The following CTBS variants were observed in gnomAD, a reference collection of about 807,000 sequenced individuals.
The protein encoded by CTBS is chitobiase.
CTBS carries 35 observed loss-of-function variants against 44.3 expected under a neutral mutation model. That is an observed-to-expected ratio of 0.79 (90% CI 0.60 to 1.05). The LOEUF (loss-of-function observed/expected upper bound fraction) is 1.05, where lower values mean the gene tolerates loss of function less well. Ranked by LOEUF, CTBS falls within the 50% of genes least tolerant of loss-of-function variation. The probability of loss-of-function intolerance (pLI) is 0.00; values close to 1 mark genes in which losing one functional copy is unlikely to be tolerated. For missense variants in CTBS, 458 were observed against 475.3 expected, an observed-to-expected ratio of 0.96 and a Z score of 0.34; for synonymous variants, 143 against 168.0, an observed-to-expected ratio of 0.85 and a Z score of 1.15.
At position 84,554,138 on chromosome 1, in the gene CTBS, A is replaced by G. The variant is rs1016253139; in HGVS notation, c.*861T>C. 1 of 152,124 alleles carries G rather than the reference A, an allele frequency of 6.6e-6. No homozygotes were observed. The highest frequency in any genetic ancestry group is 1.5e-5 in the Non-Finnish European group (1 of 68,020). 9.4% of individuals were successfully genotyped at this position (152,124 alleles called of 1,614,324 possible). On this transcript the variant is annotated 3_prime_UTR_variant, in exon 7 of 7. Transcript: ENST00000370630. ...CAAAAAATAAAAATAAAAAAGATAC[A>G]TTGCAGATGTAGAAAGAAAAATTTA...
At position 84,550,326 on chromosome 1, in the gene CTBS, G is replaced by A. The variant is rs544168480; in HGVS notation, c.*4673C>T. ...ACTTTACGGAATAGGTTATTTTCATGATTTACTCTTTTGATCTTTATCATT... is the reference window on the plus strand; with the variant it reads ...ACTTTACGGAATAGGTTATTTTCATAATTTACTCTTTTGATCTTTATCATT... On this transcript the variant is annotated 3_prime_UTR_variant, in exon 7 of 7. Coordinates refer to ENST00000370630, the MANE Select transcript of CTBS (RefSeq NM_004388.3). The A allele has an allele frequency of 2.2e-5, 11 of 505,060 alleles. No homozygotes were observed. In the Admixed American group the frequency reaches 4.8e-4, roughly 22 times the overall value. 31.3% of individuals were successfully genotyped at this position (505,060 alleles called of 1,614,324 possible). A position where few individuals can be genotyped will look rare whatever the true frequency, so the allele number is the denominator to read the frequency against.
chr1:84,574,029 T>TA, intron 1 of CTBS: 1 of 1,413,510 alleles, frequency 7.1e-7, no homozygotes, highest in East Asian at 2.6e-5. Context: ...CGCAGGCACT[T>TA]ACAGGCTGTG....
intron 2 of CTBS, 74 bp downstream of exon 2, chr1:84,570,508 G>C (rs1260700538): frequency 1.5e-6 from 2 of 1,353,282 alleles, no homozygotes; most frequent in Non-Finnish European, 2.0e-6. Context: ...GACTTTTTTG[G>C]AAAGTCGGGA....
intron 6 of CTBS, among the ~76,000 whole-genome samples, chr1:84,556,250 A>T (rs938817915): frequency 1.2e-4 from 18 of 152,208 alleles, no homozygotes; most frequent in African/African-American, 4.1e-4. Flanking sequence ...GATCTAGGAC[A>T]AAGTGCAAAG....
rs998714817 is a variant in CTBS, at chr1:84,555,676, T to C, written c.958-477A>G. On this transcript the variant is annotated intron_variant, in intron 6 of 6. Transcript: ENST00000370630. ...TCTTTCCTTGCCCTTAGCCAGTGATTATTAGCCAAGGCGTACATCTGAATC... is the reference window on the plus strand; with the variant it reads ...TCTTTCCTTGCCCTTAGCCAGTGATCATTAGCCAAGGCGTACATCTGAATC... Among the ~76,000 whole-genome samples, 7 of 152,224 alleles carry C rather than the reference T, an allele frequency of 4.6e-5. 1 individual carries two copies. In the East Asian group the frequency reaches 1.3e-3, roughly 29 times the overall value.
At position 84,574,356 on chromosome 1, in the gene CTBS, C is replaced by G. The variant is rs778760119; in HGVS notation, c.60G>C (p.Pro20=). 6.4e-7 allele frequency: 1 copy of G among 1,569,262 alleles called. No individual in the cohort carries two copies. Among genetic ancestry groups the G allele is most frequent in the Non-Finnish European group, 8.6e-7 (1 of 1,157,880 alleles). ...CCAGCAGCGCCAGCAGCGCTAGACC[C>G]GGGACGCCGCTCGGCGGGCTAGAGA... ...RLVSSPPSGV[P]GLALLALLAL... Residue 20 remains proline, a synonymous_variant, in exon 1 of 7, where the codon CCG becomes CCC. Coordinates refer to ENST00000370630, the MANE Select transcript of CTBS (RefSeq NM_004388.3).
intron 1 of CTBS, 146 bp from the exon 2 acceptor site, chr1:84,570,866 A>G: frequency 1.5e-6 from 1 of 675,506 alleles, no homozygotes; most frequent in Non-Finnish European, 2.3e-6. Flanking sequence ...TCCCAAGATA[A>G]TTGGTGGCAG....
chr1:84,569,261 A>C (rs1647222203), intron 3 of CTBS, among the ~76,000 whole-genome samples: 1 of 152,098 alleles, frequency 6.6e-6, no homozygotes, highest in Non-Finnish European at 1.5e-5. Context: ...TTGAAAAATC[A>C]TTTCTGGGAG....
At chr1:84,570,252 A>G (rs1226134691) in intron 2 of CTBS, 113 bp from the exon 3 acceptor site, 5 of 816,204 alleles carry the variant, frequency 6.1e-6, no homozygotes, top group Non-Finnish European at 7.8e-6. Context: ...CCAAAGTAAC[A>G]GAAAGCCATT....
chr1:84,561,767 C>T (rs1210440684), intron 6 of CTBS, among the ~76,000 whole-genome samples: 1 of 152,204 alleles, frequency 6.6e-6, no homozygotes, highest in Non-Finnish European at 1.5e-5. Flanking sequence ...CAGGTTATAA[C>T]TTGATAAAGG....
chr1:84,551,042 T>C lies in CTBS; in HGVS notation c.*3957A>G. ...TTTGTTTCTCCCATGGGACCTTTTG[T>C]ATAGCAGATGCTTAGTAGAGGCTTC... On this transcript the variant is annotated 3_prime_UTR_variant, in exon 7 of 7. Coordinates refer to ENST00000370630, the MANE Select transcript of CTBS (RefSeq NM_004388.3). The C allele has an allele frequency of 4.1e-6, 4 of 985,356 alleles. No homozygotes were observed. The highest frequency in any genetic ancestry group is 9.4e-5 in the South Asian group (2 of 21,290). The allele number at this position is 985,356 out of a possible 1,614,324, so 61.0% of individuals were successfully genotyped here.
At chr1:84,555,504 G>T (rs1399448804) in intron 6 of CTBS, among the ~76,000 whole-genome samples, 1 of 152,072 alleles carries the variant, frequency 6.6e-6, no homozygotes, top group East Asian at 1.9e-4. Flanking sequence ...TATGTTTATG[G>T]GTTTATTAGG....
chr1:84,564,191 G>C (rs892554936), intron 4 of CTBS, among the ~76,000 whole-genome samples: 1 of 152,076 alleles, frequency 6.6e-6, no homozygotes, highest in African/African-American at 2.4e-5. Context: ...TTTCAAAAAA[G>C]TTTTATAAAT....
rs1558618961 is a variant in CTBS, at chr1:84,553,156, AAATTT to A, written c.*1838_*1842del. 8.9e-6 allele frequency: 11 copies of A among 1,230,448 alleles called. No individual in the cohort carries two copies. In the Admixed American group the frequency reaches 1.2e-4, roughly 13 times the overall value. 76.2% of individuals were successfully genotyped at this position (1,230,448 alleles called of 1,614,324 possible). A position where few individuals can be genotyped will look rare whatever the true frequency, so the allele number is the denominator to read the frequency against. On this transcript the variant is annotated 3_prime_UTR_variant, in exon 7 of 7. Transcript: ENST00000370630. ...TAATTTAAAACTTTTATTTGTAAAA[AAATTT>A]AAATATGTATTTGAACAGATTTGTT... is the stretch of plus-strand genomic sequence containing the variant.
chr1:84,567,799 T>C (rs1012040716), intron 3 of CTBS, among the ~76,000 whole-genome samples: 12 of 152,318 alleles, frequency 7.9e-5, no homozygotes, highest in Admixed American at 7.2e-4. Flanking sequence ...ATCTCACAGT[T>C]GTTCTGCCCC....
Position 84,563,259 on chromosome 1 carries a change from T to C in CTBS, c.955A>G (p.Lys319Glu). 6.7e-7 allele frequency: 1 copy of C among 1,503,534 alleles called. No individual in the cohort carries two copies. Among genetic ancestry groups the C allele is most frequent in the South Asian group, 1.3e-5 (1 of 74,436 alleles). The allele number at this position is 1,503,534 out of a possible 1,614,324, so 93.1% of individuals were successfully genotyped here. A position where few individuals can be genotyped will look rare whatever the true frequency, so the allele number is the denominator to read the frequency against. ...KDQRAPYYNYKDPAGHFHQVW... is the reference protein window; with the variant it reads ...KDQRAPYYNYEDPAGHFHQVW... ...TCATAACTTACGAAAAGTCTTACTT[T>C]ATAGTTATAATAAGGAGCCCGCTGA... Residue 319 changes from lysine to glutamate, a missense_variant and splice_region_variant, in exon 6 of 7, where the codon AAA becomes GAA. Coordinates refer to ENST00000370630, the MANE Select transcript of CTBS (RefSeq NM_004388.3).
intron 4 of CTBS, 94 bp from the exon 5 acceptor site, chr1:84,563,926 AACAAGT>A: frequency 7.3e-7 from 1 of 1,369,928 alleles, no homozygotes; most frequent in Non-Finnish European, 9.5e-7. Flanking sequence ...TGTTTGTAAA[AACAAGT>A]ACATTTATAA....
Position 84,574,220 on chromosome 1 carries a change from A to G in CTBS, c.177+19T>C. ...GTGCCCTGAAGCCCAGACCTAGAGG[A>G]GCAGAGGAAGGCGCTGACCTCGAAA... On this transcript the variant is annotated intron_variant, in intron 1 of 6. Transcript: ENST00000370630. The G allele has an allele frequency of 1.9e-6, 3 of 1,601,620 alleles. No homozygotes were observed. The highest frequency in any genetic ancestry group is 2.6e-6 in the Non-Finnish European group (3 of 1,174,894).
intron 6 of CTBS, among the ~76,000 whole-genome samples, chr1:84,559,902 T>C (rs1226915968): frequency 6.6e-6 from 1 of 151,742 alleles, no homozygotes; most frequent in African/African-American, 2.4e-5. Context: ...CTGGCCTACA[T>C]AGTGAAACCC....
Sources: gnomAD v4.1 joint callset for allele counts (sites outside exome capture counted in the v4.1 genomes callset) on GRCh38, gnomAD v4.1.1 for gene constraint, MANE v1.5 for transcripts, NCBI Gene and HGNC (gene_info 2026-07-23, HGNC 2026-07-21) for gene names.